Variants in SMG1 observed in about 807,000 individuals in gnomAD.
SMG1 encodes the protein SMG1 nonsense mediated mRNA decay associated PI3K related kinase.
Under a neutral mutation model 419.9 loss-of-function variants are expected in SMG1, and 22 were observed. The ratio of observed to expected loss-of-function variants is 0.05; its 90% confidence interval spans 0.04 to 0.07. The LOEUF is 0.07. SMG1 is among the 10% of genes least tolerant of loss of function. The probability of loss-of-function intolerance (pLI) is 1.00; values close to 1 mark genes in which losing one functional copy is unlikely to be tolerated. For missense variants in SMG1, 3,185 were observed against 4,342.0 expected, an observed-to-expected ratio of 0.73 and a Z score of 7.49; for synonymous variants, 1,538 against 1,553.5, an observed-to-expected ratio of 0.99 and a Z score of 0.23.
At chr16:18,873,688 C>T (rs184169144) in intron 13 of SMG1, among the ~76,000 whole-genome samples, 1 of 152,028 alleles carries the variant, frequency 6.6e-6, no homozygotes, top group East Asian at 1.9e-4. Flanking sequence ...AAACAAAGCC[C>T]TCTGTATGTG....
At chr16:18,828,005 T>TGGAA in intron 55 of SMG1, 26 bp downstream of exon 55, 1 of 1,602,260 alleles carries the variant, frequency 6.2e-7, no homozygotes, top group South Asian at 1.1e-5. Context: ...GAAAATGCCC[T>TGGAA]GGAAGGAAGA....
chr16:18,816,249 G>A lies in SMG1; in HGVS notation c.10302+53C>T, dbSNP rs553535242. ...GTTTTTCCTATAAATAAAACTACTT[G>A]TAAATTTTATAACAGAGGGAGAGTA... On this transcript the variant is annotated intron_variant, in intron 58 of 62. Coordinates refer to ENST00000446231, the MANE Select transcript of SMG1 (RefSeq NM_015092.5). The A allele has an allele frequency of 6.3e-5, 87 of 1,375,710 alleles. No individual in the cohort carries two copies. In the Admixed American group the frequency reaches 1.0e-3, roughly 16 times the overall value. The allele number at this position is 1,375,710 out of a possible 1,614,324, so 85.2% of individuals were successfully genotyped here.
chr16:18,814,782 T>G (rs1010053395), intron 60 of SMG1, among the ~76,000 whole-genome samples: 5 of 151,886 alleles, frequency 3.3e-5, no homozygotes, highest in African/African-American at 1.2e-4. Context: ...TTCACCATGT[T>G]GGCCCGACTG....
intron 23 of SMG1, among the ~76,000 whole-genome samples, chr16:18,864,739 A>G (rs555663745): frequency 6.6e-5 from 10 of 152,250 alleles, no homozygotes; most frequent in African/African-American, 2.4e-4. Context: ...AGTCTCCCCA[A>G]GTACTGGGAT....
intron 36 of SMG1, 51 bp downstream of exon 36, chr16:18,849,166 T>C: frequency 9.2e-6 from 12 of 1,304,876 alleles, no homozygotes; most frequent in Non-Finnish European, 1.1e-5. Context: ...TCACTAAAAT[T>C]ATTGGCACAG....
At chr16:18,873,877 C>G (rs1472490372) in intron 13 of SMG1, among the ~76,000 whole-genome samples, 1 of 152,212 alleles carries the variant, frequency 6.6e-6, no homozygotes, top group Non-Finnish European at 1.5e-5. Flanking sequence ...CACCCACTTT[C>G]TCCTTATTTC....
rs1167236907 is a variant in SMG1 at position 18,926,189 on chromosome 16, G to T, written c.-148C>A. ...GGAGGAGGAGGAGGAGGAGAAGGAG[G>T]AGGCGGCGGAGGGCGGGGGAAGAGG... On this transcript the variant is annotated 5_prime_UTR_variant, in exon 1 of 63. Coordinates refer to ENST00000446231, the MANE Select transcript of SMG1 (RefSeq NM_015092.5). 1 of 660,186 alleles carries T rather than the reference G, an allele frequency of 1.5e-6. No homozygotes were observed. 40.9% of individuals were successfully genotyped at this position (660,186 alleles called of 1,614,324 possible).
At chr16:18,908,058 C>G (rs1257827716) in intron 1 of SMG1, among the ~76,000 whole-genome samples, 1 of 151,900 alleles carries the variant, frequency 6.6e-6, no homozygotes. Context: ...ATGCATCCCT[C>G]CCCGACCAGT....
chr16:18,847,378 G>T, intron 38 of SMG1, 75 bp downstream of exon 38: 1 of 1,513,804 alleles, frequency 6.6e-7, no homozygotes, highest in Non-Finnish European at 9.1e-7. Context: ...AATTAAAATA[G>T]TAAATTTTAT....
intron 1 of SMG1, chr16:18,924,892 A>G (rs1596676721): frequency 6.6e-6 from 1 of 152,240 alleles, no homozygotes; most frequent in East Asian, 1.9e-4. Flanking sequence ...TGCTGGAATT[A>G]CATGTAACTA....
rs2032008875 is a variant in SMG1 at position 18,816,457 on chromosome 16, T to C, written c.10147A>G (p.Met3383Val). ...GTCTGAATTGCCCTCTGAGTAGACA[T>C]ATCCTGGGTCAACTGTTTGTGTGCT... ...LSAHKQLTQD[M>V]STQRAIQTEK... is the part of the protein sequence containing the mutation. The change falls in exon 58 of 63, where the codon ATG (methionine) becomes GTG (valine). Residue 3383 changes from methionine (M) to valine (V), a missense_variant. By Grantham distance (21) the Met-to-Val change is conservative. Transcript: ENST00000446231. The C allele has an allele frequency of 1.9e-6, 3 of 1,613,990 alleles. No homozygotes were observed. The highest frequency in any genetic ancestry group is 1.7e-4 in the Middle Eastern group (1 of 6,060).
In SMG1 at chr16:18,896,039, T is replaced by C; in HGVS notation, c.412+13A>G. The C allele has an allele frequency of 1.2e-6, 2 of 1,611,436 alleles. No individual in the cohort carries two copies. Among genetic ancestry groups the C allele is most frequent in the East Asian group, 2.2e-5 (1 of 44,882 alleles). On this transcript the variant is annotated intron_variant, in intron 3 of 62. Coordinates refer to ENST00000446231, the MANE Select transcript of SMG1 (RefSeq NM_015092.5). The stretch of plus-strand genomic sequence containing the variant: ...AAGGTGTATGTGATTGGTCCCCGTT[T>C]TCCCAGCCTTACCCTGTGATTTCCT...
At chr16:18,841,883 C>T in intron 40 of SMG1, 89 bp from the exon 41 acceptor site, 2 of 1,069,814 alleles carry the variant, frequency 1.9e-6, no homozygotes, top group Non-Finnish European at 2.9e-6. Context: ...CAGTGGCAGT[C>T]AAAAACTGAC....
chr16:18,919,468 C>T (rs767956348), intron 1 of SMG1, among the ~76,000 whole-genome samples: 1 of 151,316 alleles, frequency 6.6e-6, no homozygotes, highest in African/African-American at 2.4e-5. Context: ...ACTAAAAATA[C>T]AAAAAATTAG....
intron 39 of SMG1, 105 bp from the exon 40 acceptor site, chr16:18,842,559 T>A: frequency 8.7e-7 from 1 of 1,150,844 alleles, no homozygotes; most frequent in Non-Finnish European, 1.2e-6. Flanking sequence ...CGGCGGCAGC[T>A]CATGCCTGTA....
chr16:18,855,493 A>G (rs770818893), intron 29 of SMG1, among the ~76,000 whole-genome samples: 22 of 152,274 alleles, frequency 1.4e-4, no homozygotes, highest in African/African-American at 5.3e-4. Context: ...CCAACTGGTC[A>G]TCTACACTCT....
chr16:18,880,797 G>C (rs2036355587), intron 10 of SMG1, among the ~76,000 whole-genome samples: 1 of 151,510 alleles, frequency 6.6e-6, no homozygotes, highest in East Asian at 1.9e-4. Flanking sequence ...ACTTTGGGAG[G>C]CTGAGGTGGG....
At chr16:18,840,850 A>T (rs560455329) in intron 41 of SMG1, among the ~76,000 whole-genome samples, 2 of 152,298 alleles carry the variant, frequency 1.3e-5, no homozygotes, top group African/African-American at 4.8e-5. Context: ...CCCCCTCTCC[A>T]AATTTGTCTC....
intron 6 of SMG1, among the ~76,000 whole-genome samples, chr16:18,888,642 A>G (rs2036743730): frequency 6.7e-6 from 1 of 149,676 alleles, no homozygotes; most frequent in Non-Finnish European, 1.5e-5. Flanking sequence ...TAATTTTTGT[A>G]TTGTTAGTAG....
Sources: allele counts gnomAD v4.1 joint callset (sites outside exome capture counted in the v4.1 genomes callset), GRCh38; gene constraint gnomAD v4.1.1; transcripts MANE v1.5; gene names NCBI Gene and HGNC (gene_info 2026-07-23, HGNC 2026-07-21).